The following MAMLD1 variants were observed in gnomAD, a reference collection of about 807,000 sequenced individuals.
The protein encoded by MAMLD1 is mastermind-like domain-containing protein 1.
In MAMLD1, 14 loss-of-function variants were observed where a neutral mutation model predicts 45.0. That is an observed-to-expected ratio of 0.31 (90% confidence interval 0.21 to 0.49). The LOEUF is 0.49. Among genes scored for constraint, MAMLD1 ranks in the 20% least tolerant of loss-of-function variants. The pLI is 0.99. For synonymous variants in MAMLD1, 254 were observed against 247.8 expected (o/e 1.02, Z -0.24); for missense variants, 543 against 603.6 (o/e 0.90, Z 1.05).
intron 5 of MAMLD1, among the ~76,000 whole-genome samples, chrX:150,478,321 T>C (rs1321679537): frequency 3.6e-5 from 4 of 111,633 alleles, no homozygotes; most frequent in Admixed American, 9.5e-5. Flanking sequence ...GAATCACTCA[T>C]TAACATTTTC....
intron 5 of MAMLD1, among the ~76,000 whole-genome samples, chrX:150,491,024 C>G (rs2037169445): frequency 8.9e-6 from 1 of 112,039 alleles, no homozygotes; most frequent in South Asian, 3.8e-4. Flanking sequence ...CTCAGGTCAT[C>G]TGACTTGTAG....
At chrX:150,477,391 G>A (rs782176134) in intron 5 of MAMLD1, among the ~76,000 whole-genome samples, 3 of 112,244 alleles carry the variant, frequency 2.7e-5, no homozygotes, top group South Asian at 3.8e-4. Context: ...AGTCAGCCTC[G>A]GCTCAGCATC....
At chrX:150,482,969 C>G (rs1053036275) in intron 5 of MAMLD1, among the ~76,000 whole-genome samples, 1 of 112,072 alleles carries the variant, frequency 8.9e-6, no homozygotes, top group African/African-American at 3.2e-5. Context: ...CTGGAAACAC[C>G]GGGATGACTC....
intron 2 of MAMLD1, among the ~76,000 whole-genome samples, chrX:150,459,506 T>C (rs1389921425): frequency 9.2e-6 from 1 of 108,815 alleles, no homozygotes; most frequent in Non-Finnish European, 1.9e-5. Flanking sequence ...AGGACAGGGC[T>C]CTGGAGGCTG....
At chrX:150,403,827 A>AAGAGAG (rs1178451790) in intron 1 of MAMLD1, among the ~76,000 whole-genome samples, 8 of 103,076 alleles carry the variant, frequency 7.8e-5, no homozygotes, top group Non-Finnish European at 1.4e-4. Context: ...GAAAGAAAGA[A>AAGAGAG]AGAGAGAGAG....
intron 4 of MAMLD1, 129 bp from the exon 5 acceptor site, chrX:150,473,551 G>A: frequency 1.6e-6 from 1 of 611,872 alleles, no homozygotes; most frequent in Non-Finnish European, 2.8e-6. Context: ...CATGCGGCAA[G>A]CAGAGCTCCC....
intron 5 of MAMLD1, among the ~76,000 whole-genome samples, chrX:150,474,888 T>C (rs1197512579): frequency 2.7e-5 from 3 of 111,695 alleles, no homozygotes; most frequent in Non-Finnish European, 5.6e-5. Flanking sequence ...CCTCTCCCTA[T>C]TAACTCTAAG....
chrX:150,447,604 G>A (rs1353298295), intron 2 of MAMLD1, among the ~76,000 whole-genome samples: 1 of 111,507 alleles, frequency 9.0e-6, no homozygotes, highest in Non-Finnish European at 1.9e-5. Context: ...CTGGGTGCTT[G>A]TGAACTGAGG....
At position 150,485,503 on chromosome X, in the gene MAMLD1, T is replaced by C. The variant is rs190520555; in HGVS notation, c.2040+11701T>C. Among the ~76,000 whole-genome samples, 219 of 111,802 alleles carry C rather than the reference T, an allele frequency of 2.0e-3. 2 individuals carry two copies. The highest frequency in any genetic ancestry group is 6.9e-3 in the African/African-American group (214 of 30,812). On this transcript the variant is annotated intron_variant, in intron 5 of 7. Coordinates refer to ENST00000370401, the MANE Select transcript of MAMLD1 (RefSeq NM_005491.5). ...TAAGGGATTTAAAAATTCAGGAGTT[T>C]GATGCCAATAATTGCTTTTATGAGC...
At chrX:150,407,999 C>T (rs2034038433) in intron 1 of MAMLD1, among the ~76,000 whole-genome samples, 1 of 111,542 alleles carries the variant, frequency 9.0e-6, no homozygotes, top group Non-Finnish European at 1.9e-5. Flanking sequence ...AACATACAGG[C>T]AGAGGAGGGG....
chrX:150,502,681 C>A (rs1223293433), intron 5 of MAMLD1, among the ~76,000 whole-genome samples: 1 of 111,923 alleles, frequency 8.9e-6, no homozygotes, highest in African/African-American at 3.3e-5. Flanking sequence ...ACAAGGGCTG[C>A]AGCTCAGGAC....
intron 1 of MAMLD1, among the ~76,000 whole-genome samples, chrX:150,393,878 C>G (rs143223026): frequency 0.032 from 3,514 of 111,191 alleles, 133 homozygotes; most frequent in African/African-American, 0.11. Context: ...TTTTCTCCCA[C>G]TCTATGGCTT....
intron 1 of MAMLD1, among the ~76,000 whole-genome samples, chrX:150,385,277 T>TACACACACACACACACACACACAAAC (rs2032869410): frequency 1.1e-5 from 1 of 94,047 alleles, no homozygotes. Context: ...TGAACAATAC[T>TACACACACACACACACACACACAAAC]ACACACACAC....
intron 1 of MAMLD1, among the ~76,000 whole-genome samples, chrX:150,440,903 A>C (rs1312142744): frequency 9.6e-6 from 1 of 103,782 alleles, no homozygotes; most frequent in African/African-American, 3.4e-5. Context: ...ATATTTATTA[A>C]ATTTAAAATA....
At chrX:150,498,593 G>A (rs1862462243) in intron 5 of MAMLD1, among the ~76,000 whole-genome samples, 1 of 112,289 alleles carries the variant, frequency 8.9e-6, no homozygotes, top group Non-Finnish European at 1.9e-5. Flanking sequence ...CAAGAATTCA[G>A]TTCTTCATTT....
chrX:150,465,125 G>A (rs1557405822), intron 3 of MAMLD1, among the ~76,000 whole-genome samples: 2 of 112,052 alleles, frequency 1.8e-5, no homozygotes, highest in African/African-American at 6.5e-5. Context: ...ACCCTTTGCT[G>A]ACCTTTTTAT....
intron 1 of MAMLD1, among the ~76,000 whole-genome samples, chrX:150,384,164 A>G (rs1177199755): frequency 2.7e-5 from 3 of 112,053 alleles, no homozygotes; most frequent in African/African-American, 9.7e-5. Flanking sequence ...TGGTAACTCT[A>G]TGTTTAGCAT....
chrX:150,407,849 A>G (rs2034034450), intron 1 of MAMLD1, among the ~76,000 whole-genome samples: 1 of 112,622 alleles, frequency 8.9e-6, no homozygotes, highest in Non-Finnish European at 1.9e-5. Context: ...AGGTTAGTTT[A>G]GCCACAATAA....
intron 1 of MAMLD1, among the ~76,000 whole-genome samples, chrX:150,364,088 G>C (rs2031188811): frequency 8.8e-6 from 1 of 113,010 alleles, no homozygotes; most frequent in Non-Finnish European, 1.9e-5. Flanking sequence ...CCAACTCCTG[G>C]GAAGCGCAGC....
Sources: allele counts gnomAD v4.1 joint callset (sites outside exome capture counted in the v4.1 genomes callset), GRCh38; gene constraint gnomAD v4.1.1; transcripts MANE v1.5; gene names NCBI Gene and HGNC (gene_info 2026-07-23, HGNC 2026-07-21).